LRRTM4: variants seen among roughly 807,000 people sequenced by gnomAD.
LRRTM4 encodes the protein leucine-rich repeat transmembrane neuronal protein 4.
Under a neutral mutation model 47.6 loss-of-function variants are expected in LRRTM4, and 25 were observed. That is an observed-to-expected ratio of 0.53 (90% CI 0.38 to 0.73). The LOEUF is 0.73. LRRTM4 is among the 30% of genes least tolerant of loss of function. The probability of loss-of-function intolerance (pLI) is 0.00; values close to 1 mark genes in which losing one functional copy is unlikely to be tolerated. For missense variants in LRRTM4, 638 were observed against 713.4 expected (o/e 0.89, Z 1.20); for synonymous variants, 311 against 269.5 (o/e 1.15, Z -1.51).
At chr2:77,383,814 G>T (rs537388372) in intron 3 of LRRTM4, among the ~76,000 whole-genome samples, 1 of 151,964 alleles carries the variant, frequency 6.6e-6, no homozygotes, top group Non-Finnish European at 1.5e-5. Flanking sequence ...AGTTCTTAAA[G>T]ACCTCAAATC....
intron 3 of LRRTM4, among the ~76,000 whole-genome samples, chr2:76,795,863 G>A (rs143913905): frequency 0.037 from 5,623 of 152,030 alleles, 300 homozygotes; most frequent in African/African-American, 0.12. Context: ...CAGCGTGAGC[G>A]ACGCAGAAGA....
At chr2:77,446,612 C>T (rs1282282496) in intron 3 of LRRTM4, among the ~76,000 whole-genome samples, 1 of 151,952 alleles carries the variant, frequency 6.6e-6, no homozygotes, top group Non-Finnish European at 1.5e-5. Flanking sequence ...ACCTTTTTTG[C>T]TTCTTTAAGA....
intron 3 of LRRTM4, among the ~76,000 whole-genome samples, chr2:77,498,684 C>T (rs191949344): frequency 6.6e-6 from 1 of 151,894 alleles, no homozygotes; most frequent in African/African-American, 2.4e-5. Flanking sequence ...CTTACTTACT[C>T]CTAACATTGC....
At chr2:77,046,906 A>C (rs1679254017) in intron 3 of LRRTM4, among the ~76,000 whole-genome samples, 1 of 152,038 alleles carries the variant, frequency 6.6e-6, no homozygotes, top group African/African-American at 2.4e-5. Context: ...AAAGAAAGGG[A>C]AGCAGAAGCC....
chr2:76,869,857 G>T (rs1252008260), intron 3 of LRRTM4, among the ~76,000 whole-genome samples: 3 of 152,020 alleles, frequency 2.0e-5, no homozygotes, highest in African/African-American at 7.2e-5. Flanking sequence ...ATAATAATAT[G>T]TTATAAACTT....
intron 3 of LRRTM4, among the ~76,000 whole-genome samples, chr2:77,471,288 C>T (rs2103993145): frequency 6.6e-6 from 1 of 152,182 alleles, no homozygotes; most frequent in South Asian, 2.1e-4. Context: ...TCAGCAAATC[C>T]TATTAACTCT....
intron 3 of LRRTM4, among the ~76,000 whole-genome samples, chr2:77,037,537 TTC>T (rs976049663): frequency 4.7e-5 from 7 of 150,388 alleles, no homozygotes; most frequent in African/African-American, 1.7e-4. Context: ...GTCCAGGTAC[TTC>T]CTTTGTTGCT....
intron 3 of LRRTM4, among the ~76,000 whole-genome samples, chr2:76,754,926 C>T (rs7605904): frequency 0.03 from 4,635 of 152,224 alleles, 265 homozygotes; most frequent in African/African-American, 0.1. Flanking sequence ...ATGTGCACAA[C>T]AGCAAAGTCC....
chr2:76,790,837 G>A (rs1674934872), intron 3 of LRRTM4, among the ~76,000 whole-genome samples: 1 of 152,078 alleles, frequency 6.6e-6, no homozygotes, highest in African/African-American at 2.4e-5. Flanking sequence ...GACTTGGCAT[G>A]TTTCTCTACT....
intron 3 of LRRTM4, among the ~76,000 whole-genome samples, chr2:76,750,581 G>A (rs1351988218): frequency 6.6e-6 from 1 of 152,268 alleles, no homozygotes; most frequent in Admixed American, 6.5e-5. Flanking sequence ...AAATTAAGTT[G>A]TTTTGATTTT....
intron 3 of LRRTM4, among the ~76,000 whole-genome samples, chr2:77,455,609 T>C (rs566099889): frequency 6.6e-6 from 1 of 152,130 alleles, no homozygotes; most frequent in Non-Finnish European, 1.5e-5. Context: ...TTTCTCTCCC[T>C]CCTCCTGCAC....
chr2:77,038,023 A>G (rs915309095), intron 3 of LRRTM4, among the ~76,000 whole-genome samples: 2 of 151,598 alleles, frequency 1.3e-5, no homozygotes, highest in African/African-American at 4.8e-5. Context: ...TGAATAACCT[A>G]TATAATTATA....
chr2:77,419,829 C>T (rs1674800923), intron 3 of LRRTM4, among the ~76,000 whole-genome samples: 1 of 151,916 alleles, frequency 6.6e-6, no homozygotes, highest in Admixed American at 6.6e-5. Context: ...TAAGATTAAT[C>T]ACACTTGACC....
At chr2:76,809,800 T>C (rs897807380) in intron 3 of LRRTM4, among the ~76,000 whole-genome samples, 1 of 152,186 alleles carries the variant, frequency 6.6e-6, no homozygotes, top group South Asian at 2.1e-4. Context: ...CAGCCACAGT[T>C]ACTTGCTTAA....
chr2:77,126,171 T>C (rs1049880143), intron 3 of LRRTM4, among the ~76,000 whole-genome samples: 2 of 152,060 alleles, frequency 1.3e-5, no homozygotes, highest in Non-Finnish European at 2.9e-5. Flanking sequence ...AAGCACACTG[T>C]ACCTTTATGT....
chr2:77,043,830 G>A (rs926031062), intron 3 of LRRTM4, among the ~76,000 whole-genome samples: 3 of 151,466 alleles, frequency 2.0e-5, no homozygotes, highest in African/African-American at 7.3e-5. Context: ...GCTTTATATG[G>A]CAGATAAAAA....
chr2:77,151,785 TTTGTTG>T (rs57816885), intron 3 of LRRTM4, among the ~76,000 whole-genome samples: 2 of 151,454 alleles, frequency 1.3e-5, no homozygotes, highest in African/African-American at 2.4e-5. Context: ...AAAGATCTTG[TTTGTTG>T]TTGTTGTTGT....
At chr2:77,110,686 G>C (rs539021983) in intron 3 of LRRTM4, among the ~76,000 whole-genome samples, 2 of 152,082 alleles carry the variant, frequency 1.3e-5, no homozygotes, top group African/African-American at 4.8e-5. Context: ...TATTGAAGTA[G>C]TATGCAATTA....
intron 3 of LRRTM4, among the ~76,000 whole-genome samples, chr2:77,200,126 T>G (rs1211629247): frequency 1.3e-5 from 2 of 152,084 alleles, no homozygotes; most frequent in African/African-American, 4.8e-5. Context: ...CCAACATACT[T>G]GGCCATGGAA....
Sources: allele counts gnomAD v4.1 joint callset (sites outside exome capture counted in the v4.1 genomes callset), GRCh38; gene constraint gnomAD v4.1.1; transcripts MANE v1.5; gene names NCBI Gene and HGNC (gene_info 2026-07-23, HGNC 2026-07-21).